MCPH1: variants seen among roughly 807,000 people sequenced by gnomAD.
MCPH1 encodes microcephalin.
A neutral mutation model predicts 84.5 loss-of-function variants in MCPH1; 104 were observed. The observed-to-expected ratio is 1.23, with a 90% CI of 1.05 to 1.45. The LOEUF (loss-of-function observed/expected upper bound fraction) is 1.45, where lower values mean the gene tolerates loss of function less well. MCPH1 is among the 40% of genes most tolerant of loss of function. MCPH1 has a pLI of 0.00. For synonymous variants in MCPH1, 514 were observed against 366.8 expected, an observed-to-expected ratio of 1.40 and a Z score of -4.58; for missense variants, 1,498 against 1,005.7, an observed-to-expected ratio of 1.49 and a Z score of -6.62.
intron 8 of MCPH1, chr8:6,446,611 T>C (rs1804414892): frequency 1.0e-6 from 1 of 979,716 alleles, no homozygotes; most frequent in Non-Finnish European, 1.2e-6. Context: ...AAAATATTTA[T>C]TTTAAAATGT....
intron 3 of MCPH1, among the ~76,000 whole-genome samples, chr8:6,415,639 C>G (rs753637980): frequency 6.6e-6 from 1 of 152,104 alleles, no homozygotes; most frequent in Non-Finnish European, 1.5e-5. Flanking sequence ...CAGGTGTGAG[C>G]CACCGTGCGC....
At chr8:6,621,837 G>A (rs1289623969) in intron 13 of MCPH1, 146 bp downstream of exon 13, 6 of 1,061,180 alleles carry the variant, frequency 5.7e-6, no homozygotes, top group Admixed American at 3.5e-5. Flanking sequence ...CCCTGGCAGC[G>A]TCGTGTGGTC....
At chr8:6,605,737 A>T (rs1010396827) in intron 12 of MCPH1, among the ~76,000 whole-genome samples, 2 of 151,998 alleles carry the variant, frequency 1.3e-5, no homozygotes, top group African/African-American at 4.8e-5. Context: ...TCACTCTGTC[A>T]CCCAGGCTGG....
At chr8:6,534,777 T>A (rs17623064) in intron 12 of MCPH1, among the ~76,000 whole-genome samples, 30,244 of 152,200 alleles carry the variant, frequency 0.2, 3,707 homozygotes, top group Admixed American at 0.28. Context: ...GGCTTTTTAG[T>A]GTGTGTGATC....
At chr8:6,478,182 G>T (rs1266497175) in intron 10 of MCPH1, among the ~76,000 whole-genome samples, 1 of 152,112 alleles carries the variant, frequency 6.6e-6, no homozygotes, top group Non-Finnish European at 1.5e-5. Flanking sequence ...TAGGTTTTAA[G>T]GTTTTAAGAC....
At chr8:6,493,845 G>T (rs1438038337) in intron 11 of MCPH1, among the ~76,000 whole-genome samples, 1 of 152,186 alleles carries the variant, frequency 6.6e-6, no homozygotes, top group Non-Finnish European at 1.5e-5. Context: ...TTTACACATC[G>T]TCAAGCTGTT....
intron 12 of MCPH1, among the ~76,000 whole-genome samples, chr8:6,596,493 T>A (rs1373539486): frequency 1.3e-5 from 2 of 152,132 alleles, no homozygotes; most frequent in Admixed American, 1.3e-4. Context: ...CCTGTACACA[T>A]GGCAGCCAAG....
rs1798212164 is a variant in MCPH1, at chr8:6,409,337, A to C, written c.81A>C (p.Thr27=). The part of the protein sequence containing the change: ...SSNGTENYSK[T]FTTQLVDMGA... ...ATGGAACAGAAAATTATTCAAAGAC[A>C]TTTACAACACAGCTTGTGGATATGG... is the stretch of plus-strand genomic sequence containing the variant. The change falls in exon 2 of 14, where the codon ACA becomes ACC. Residue 27 remains threonine, a synonymous_variant. Transcript: ENST00000344683. 1 of 1,614,036 alleles carries C rather than the reference A, an allele frequency of 6.2e-7. No homozygotes were observed. Among genetic ancestry groups the C allele is most frequent in the Non-Finnish European group, 8.5e-7 (1 of 1,179,936 alleles).
At chr8:6,532,230 C>T in intron 12 of MCPH1, 1 of 1,346,190 alleles carries the variant, frequency 7.4e-7, no homozygotes, top group Non-Finnish European at 1.0e-6. Flanking sequence ...TGTGGTGGTG[C>T]TTTCTTTAGT....
intron 9 of MCPH1, among the ~76,000 whole-genome samples, chr8:6,466,714 C>T (rs926649337): frequency 2.6e-5 from 4 of 152,020 alleles, no homozygotes; most frequent in African/African-American, 9.7e-5. Flanking sequence ...GCTGGGATTA[C>T]AGGCGGCAGC....
intron 13 of MCPH1, among the ~76,000 whole-genome samples, chr8:6,636,408 G>A (rs11776182): frequency 0.053 from 8,107 of 152,020 alleles, 222 homozygotes; most frequent in Middle Eastern, 0.09. Context: ...CCACATGGGG[G>A]TGAGGGCTGA....
chr8:6,419,832 A>G (rs1201446434), intron 3 of MCPH1, among the ~76,000 whole-genome samples: 1 of 151,906 alleles, frequency 6.6e-6, no homozygotes, highest in Non-Finnish European at 1.5e-5. Context: ...GGGTTTTGTT[A>G]TATTCTTCAG....
At chr8:6,549,560 G>T (rs564409901) in intron 12 of MCPH1, among the ~76,000 whole-genome samples, 285 of 151,672 alleles carry the variant, frequency 1.9e-3, no homozygotes, top group African/African-American at 6.6e-3. Context: ...GAGGAGGGGC[G>T]TGAGGGAGCC....
chr8:6,483,746 G>T, intron 11 of MCPH1, among the ~76,000 whole-genome samples: 1 of 152,160 alleles, frequency 6.6e-6, no homozygotes, highest in South Asian at 2.1e-4. Context: ...TGTAATCCCA[G>T]CTACTCAGGA....
intron 11 of MCPH1, among the ~76,000 whole-genome samples, chr8:6,483,388 CAAG>C (rs1809468634): frequency 6.6e-6 from 1 of 152,132 alleles, no homozygotes. Flanking sequence ...AAGGAAAGAA[CAAG>C]GAGGAGGACT....
intron 12 of MCPH1, among the ~76,000 whole-genome samples, chr8:6,612,789 A>C (rs1455724809): frequency 6.6e-6 from 1 of 152,238 alleles, no homozygotes. Flanking sequence ...AAGAGGACTG[A>C]GAACCGCCTG....
chr8:6,620,290 C>G (rs1407892056), intron 12 of MCPH1: 1 of 152,216 alleles, frequency 6.6e-6, no homozygotes, highest in Non-Finnish European at 1.5e-5. Context: ...TGTATCGGAT[C>G]TACTCCATTG....
intron 12 of MCPH1, among the ~76,000 whole-genome samples, chr8:6,543,982 A>G (rs932819598): frequency 5.3e-5 from 8 of 152,324 alleles, no homozygotes; most frequent in Admixed American, 2.6e-4. Flanking sequence ...AATATATTTT[A>G]AGCATTTTAA....
intron 7 of MCPH1, among the ~76,000 whole-genome samples, chr8:6,442,652 G>A (rs745446891): frequency 1.3e-5 from 2 of 152,188 alleles, no homozygotes; most frequent in Non-Finnish European, 2.9e-5. Context: ...ATACATGTTT[G>A]TAATGTGGGA....
Sources: gnomAD v4.1 joint callset for allele counts (sites outside exome capture counted in the v4.1 genomes callset) on GRCh38, gnomAD v4.1.1 for gene constraint, MANE v1.5 for transcripts, NCBI Gene and HGNC (gene_info 2026-07-23, HGNC 2026-07-21) for gene names.